The following ROBO1 variants were observed in gnomAD, a reference collection of about 807,000 sequenced individuals.
ROBO1 encodes the protein roundabout guidance receptor 1.
Under a neutral mutation model 195.9 loss-of-function variants are expected in ROBO1, and 149 were observed. The observed-to-expected ratio is 0.76, with a 90% CI of 0.67 to 0.87. The LOEUF is 0.87. ROBO1 is among the 40% of genes least tolerant of loss of function. ROBO1 has a pLI of 0.00. For missense variants in ROBO1, 1,933 were observed against 2,068.3 expected, an observed-to-expected ratio of 0.93 and a Z score of 1.27; for synonymous variants, 816 against 733.2, an observed-to-expected ratio of 1.11 and a Z score of -1.82.
At chr3:79,297,107 CAGA>C (rs1394837115) in intron 2 of ROBO1, among the ~76,000 whole-genome samples, 2 of 152,122 alleles carry the variant, frequency 1.3e-5, no homozygotes, top group African/African-American at 4.8e-5. Context: ...AGTTGGTATT[CAGA>C]AGAACCTCCT....
intron 1 of ROBO1, among the ~76,000 whole-genome samples, chr3:79,671,379 A>T (rs374088446): frequency 1.3e-5 from 2 of 152,028 alleles, no homozygotes; most frequent in South Asian, 2.1e-4. Context: ...TAGGTACCCT[A>T]TAAGAATATC....
chr3:79,137,540 T>C (rs921000028), intron 2 of ROBO1, among the ~76,000 whole-genome samples: 4 of 152,122 alleles, frequency 2.6e-5, no homozygotes, highest in African/African-American at 9.6e-5. Flanking sequence ...GTTTATATAA[T>C]GCTTTGGTCT....
intron 2 of ROBO1, among the ~76,000 whole-genome samples, chr3:79,455,753 TTTCTGC>T (rs2039599179): frequency 6.6e-6 from 1 of 152,146 alleles, no homozygotes; most frequent in South Asian, 2.1e-4. Context: ...ATACTGCACT[TTTCTGC>T]CATGAAGTCT....
At chr3:78,708,491 T>C (rs1225403342) in intron 8 of ROBO1, among the ~76,000 whole-genome samples, 1 of 152,144 alleles carries the variant, frequency 6.6e-6, no homozygotes, top group Non-Finnish European at 1.5e-5. Context: ...TTAATCATTT[T>C]AGTTTAAAAA....
intron 4 of ROBO1, among the ~76,000 whole-genome samples, chr3:78,930,767 G>C (rs934064302): frequency 5.3e-5 from 8 of 151,854 alleles, no homozygotes; most frequent in African/African-American, 1.9e-4. Flanking sequence ...AACATTTCTT[G>C]CCTGGAATAC....
rs534050168 is a variant in ROBO1 at position 79,440,120 on chromosome 3, C to A, written c.88+149704G>T. Among the ~76,000 whole-genome samples the A allele has an allele frequency of 3.5e-4, 54 of 152,122 alleles. No homozygotes were observed. The South Asian group carries it at 8.3e-3, about 23-fold the overall frequency. ...TCTAGAGTCTTCATTCTGAACCTGC[C>A]ACGAAGCCAGTCTTCACGCTGTTGT... On this transcript the variant is annotated intron_variant, in intron 2 of 30. Transcript: ENST00000464233.
chr3:79,299,569 GA>G (rs2032780506), intron 2 of ROBO1, among the ~76,000 whole-genome samples: 2 of 152,104 alleles, frequency 1.3e-5, no homozygotes, highest in Non-Finnish European at 2.9e-5. Context: ...CTTGATATGA[GA>G]TTTGAAAATA....
intron 3 of ROBO1, among the ~76,000 whole-genome samples, chr3:79,124,165 C>T (rs1445169465): frequency 2.6e-5 from 4 of 152,012 alleles, no homozygotes; most frequent in Non-Finnish European, 5.9e-5. Flanking sequence ...TTTTTTGTAG[C>T]TAAGTTTCTG....
At chr3:78,924,195 T>C (rs552372648) in intron 4 of ROBO1, among the ~76,000 whole-genome samples, 67 of 152,232 alleles carry the variant, frequency 4.4e-4, no homozygotes, top group Middle Eastern at 3.4e-3. Context: ...CTATCTAATA[T>C]ACACTTAGTA....
At chr3:79,112,904 A>G (rs1419898871) in intron 3 of ROBO1, among the ~76,000 whole-genome samples, 1 of 152,152 alleles carries the variant, frequency 6.6e-6, no homozygotes, top group African/African-American at 2.4e-5. Context: ...CCTAAAACTT[A>G]AAGTATAATA....
intron 2 of ROBO1, among the ~76,000 whole-genome samples, chr3:79,224,217 C>T (rs932422893): frequency 6.6e-6 from 1 of 152,090 alleles, no homozygotes; most frequent in African/African-American, 2.4e-5. Context: ...TTATGAACAC[C>T]AAATTATATT....
chr3:78,852,192 G>A (rs769905618), intron 4 of ROBO1, among the ~76,000 whole-genome samples: 37 of 151,958 alleles, frequency 2.4e-4, no homozygotes, highest in African/African-American at 5.6e-4. Flanking sequence ...ATCTCATTTA[G>A]GATTATAGGA....
At chr3:79,658,051 A>G (rs952658907) in intron 1 of ROBO1, among the ~76,000 whole-genome samples, 1 of 152,262 alleles carries the variant, frequency 6.6e-6, no homozygotes, top group African/African-American at 2.4e-5. Context: ...GGTAAGAAAA[A>G]GATTATTTAA....
chr3:78,796,910 A>G (rs1409079848), intron 4 of ROBO1, among the ~76,000 whole-genome samples: 1 of 152,174 alleles, frequency 6.6e-6, no homozygotes, highest in Non-Finnish European at 1.5e-5. Context: ...TCTTTAGCAT[A>G]GTTATGATTT....
At chr3:79,557,302 T>A (rs1942737987) in intron 2 of ROBO1, among the ~76,000 whole-genome samples, 1 of 152,170 alleles carries the variant, frequency 6.6e-6, no homozygotes, top group South Asian at 2.1e-4. Flanking sequence ...TAATGTCTCT[T>A]ATTTATCCGT....
intron 2 of ROBO1, among the ~76,000 whole-genome samples, chr3:79,173,386 G>A (rs1487933878): frequency 6.6e-6 from 1 of 152,144 alleles, no homozygotes; most frequent in Non-Finnish European, 1.5e-5. Flanking sequence ...TTGCAGGCCA[G>A]CGCGAGTTCC....
At chr3:79,399,098 C>G (rs542521327) in intron 2 of ROBO1, among the ~76,000 whole-genome samples, 1 of 152,204 alleles carries the variant, frequency 6.6e-6, no homozygotes, top group South Asian at 2.1e-4. Context: ...GGCTTCAGAT[C>G]AATAGCAGAT....
intron 1 of ROBO1, among the ~76,000 whole-genome samples, chr3:79,732,767 A>T (rs1050671546): frequency 2.0e-5 from 3 of 152,128 alleles, no homozygotes; most frequent in Non-Finnish European, 4.4e-5. Flanking sequence ...CTACTTTCAG[A>T]TGCCAATCAT....
At chr3:79,457,056 T>A (rs752225348) in intron 2 of ROBO1, among the ~76,000 whole-genome samples, 9 of 152,188 alleles carry the variant, frequency 5.9e-5, no homozygotes, top group Non-Finnish European at 1.3e-4. Context: ...ACTGGACACT[T>A]AAATTCTCAA....
Sources: gnomAD v4.1 joint callset for allele counts (sites outside exome capture counted in the v4.1 genomes callset) on GRCh38, gnomAD v4.1.1 for gene constraint, MANE v1.5 for transcripts, NCBI Gene and HGNC (gene_info 2026-07-23, HGNC 2026-07-21) for gene names.